DAB1: variants seen among roughly 807,000 people sequenced by gnomAD.
The protein encoded by DAB1 is disabled homolog 1.
A neutral mutation model predicts 64.6 loss-of-function variants in DAB1; 15 were observed. That is an observed-to-expected ratio of 0.23 (90% CI 0.16 to 0.36). The LOEUF is 0.36. DAB1 is among the 10% of genes least tolerant of loss of function. The pLI is 1.00. For missense variants in DAB1, 596 were observed against 706.7 expected, an observed-to-expected ratio of 0.84 and a Z score of 1.78; for synonymous variants, 235 against 251.9, an observed-to-expected ratio of 0.93 and a Z score of 0.64.
chr1:58,446,284 T>G (rs1645066136), intron 3 of DAB1, among the ~76,000 whole-genome samples: 2 of 152,332 alleles, frequency 1.3e-5, no homozygotes, highest in Middle Eastern at 6.8e-3. Flanking sequence ...TCTCAATATA[T>G]CTTTCTCTAA....
At chr1:57,955,962 G>A (rs1187694002) in intron 5 of DAB1, among the ~76,000 whole-genome samples, 1 of 152,060 alleles carries the variant, frequency 6.6e-6, no homozygotes, top group Non-Finnish European at 1.5e-5. Context: ...TAAGGCAGTT[G>A]GTCATTGTCT....
At chr1:57,321,667 A>C (rs1462552037) in intron 1 of DAB1, among the ~76,000 whole-genome samples, 5 of 152,214 alleles carry the variant, frequency 3.3e-5, no homozygotes, top group African/African-American at 1.2e-4. Context: ...CCAGGGTTCA[A>C]ATCCTAGCCC....
chr1:58,065,550 C>T (rs1648804397), intron 5 of DAB1, among the ~76,000 whole-genome samples: 1 of 152,070 alleles, frequency 6.6e-6, no homozygotes, highest in South Asian at 2.1e-4. Context: ...CTGATTTGTA[C>T]TGAAAAGAAA....
rs12096689 is a variant in DAB1 at position 57,799,119 on chromosome 1, C to T, written n.551+84880G>A. Among the ~76,000 whole-genome samples, 605 of 152,236 alleles carry T rather than the reference C, an allele frequency of 4.0e-3. 5 individuals are homozygous for T. The highest frequency in any genetic ancestry group is 0.014 in the African/African-American group (584 of 41,538). On this transcript the variant is annotated intron_variant and non_coding_transcript_variant, in intron 6 of 20. Transcript: ENST00000485760. The stretch of plus-strand genomic sequence containing the variant: ...TAACCTCTCTGTGAATGCGTTTCTT[C>T]GGCTGCAAAATGGGTATACATTTTT...
chr1:58,402,347 A>T (rs1488802777), intron 3 of DAB1, among the ~76,000 whole-genome samples: 2 of 152,170 alleles, frequency 1.3e-5, no homozygotes, highest in Non-Finnish European at 2.9e-5. Context: ...CCCGCAAGAA[A>T]CGTGTAACTA....
At chr1:57,094,781 G>C (rs950260293) in intron 4 of DAB1, among the ~76,000 whole-genome samples, 4 of 152,072 alleles carry the variant, frequency 2.6e-5, no homozygotes, top group African/African-American at 9.7e-5. Flanking sequence ...GGTCATACCT[G>C]GATCACAGGA....
At chr1:57,421,567 C>A (rs577219765) in intron 1 of DAB1, among the ~76,000 whole-genome samples, 11 of 152,230 alleles carry the variant, frequency 7.2e-5, no homozygotes, top group African/African-American at 1.7e-4. Flanking sequence ...CTCATCCCTG[C>A]GGATCCTCCC....
chr1:57,985,608 T>C (rs1646195853), intron 5 of DAB1, among the ~76,000 whole-genome samples: 1 of 150,866 alleles, frequency 6.6e-6, no homozygotes, highest in Non-Finnish European at 1.5e-5. Flanking sequence ...ATATAAAGTT[T>C]CCAACGTGGT....
intron 1 of DAB1, among the ~76,000 whole-genome samples, chr1:57,399,347 A>T (rs1274562083): frequency 7.9e-5 from 12 of 152,220 alleles, no homozygotes; most frequent in Admixed American, 7.9e-4. Context: ...AGACCATAAC[A>T]TGATAGATGG....
chr1:57,026,109 A>G (rs557986312), intron 9 of DAB1, 66 bp from the exon 10 acceptor site: 2 of 1,191,984 alleles, frequency 1.7e-6, no homozygotes, highest in Non-Finnish European at 1.2e-6. Flanking sequence ...CCTGCTTTAC[A>G]CACAGTATGG....
At chr1:57,887,747 T>C (rs546706691), upstream of DAB1, among the ~76,000 whole-genome samples, 148 of 152,332 alleles carry the variant, frequency 9.7e-4, no homozygotes, top group Middle Eastern at 6.8e-3. Context: ...GAGGGGCAAG[T>C]AAACATTCTA....
chr1:57,799,537 A>G (rs1032848924), intron 6 of DAB1, among the ~76,000 whole-genome samples: 1 of 148,014 alleles, frequency 6.8e-6, no homozygotes, highest in African/African-American at 2.5e-5. Flanking sequence ...TAGGCAATAT[A>G]GAGTCATTGA....
At chr1:58,241,238 C>T (rs1051417247) in intron 4 of DAB1, among the ~76,000 whole-genome samples, 5 of 152,084 alleles carry the variant, frequency 3.3e-5, no homozygotes, top group African/African-American at 1.2e-4. Flanking sequence ...CATCTTGAAA[C>T]TTTTTTTATT....
At chr1:57,803,644 G>A (rs960369368) in intron 6 of DAB1, among the ~76,000 whole-genome samples, 5 of 152,196 alleles carry the variant, frequency 3.3e-5, no homozygotes, top group Admixed American at 6.5e-5. Context: ...AAGAGCCCAC[G>A]ATGAAATCCT....
chr1:57,001,208 G>T (rs1645852020), intron 14 of DAB1, among the ~76,000 whole-genome samples: 1 of 152,180 alleles, frequency 6.6e-6, no homozygotes, highest in African/African-American at 2.4e-5. Flanking sequence ...CTCTGTCAAG[G>T]TCATAACGGG....
At chr1:57,784,690 A>G (rs148023695) in intron 6 of DAB1, among the ~76,000 whole-genome samples, 5 of 152,294 alleles carry the variant, frequency 3.3e-5, no homozygotes, top group African/African-American at 1.2e-4. Context: ...AAAAGTTGGA[A>G]GCTAGCAGAA....
intron 6 of DAB1, among the ~76,000 whole-genome samples, chr1:57,746,808 A>G (rs1042808814): frequency 2.6e-5 from 4 of 151,716 alleles, no homozygotes; most frequent in African/African-American, 7.3e-5. Flanking sequence ...CATATTTTCA[A>G]TCTGTGATTG....
chr1:57,054,774 G>A (rs1005651938), intron 9 of DAB1, among the ~76,000 whole-genome samples: 22 of 152,078 alleles, frequency 1.4e-4, no homozygotes, highest in African/African-American at 4.6e-4. Context: ...CACGGCACCC[G>A]GCCAGGAATG....
intron 4 of DAB1, among the ~76,000 whole-genome samples, chr1:58,222,096 A>T (rs943462294): frequency 6.6e-6 from 1 of 152,168 alleles, no homozygotes; most frequent in African/African-American, 2.4e-5. Context: ...AGAGTTAGAG[A>T]GATGGGAATT....
Sources: allele counts gnomAD v4.1 joint callset (sites outside exome capture counted in the v4.1 genomes callset), GRCh38; gene constraint gnomAD v4.1.1; transcripts MANE v1.5; gene names NCBI Gene and HGNC (gene_info 2026-07-23, HGNC 2026-07-21).